BEND3: variants seen among roughly 807,000 people sequenced by gnomAD.
BEND3 encodes the protein BEN domain containing 3.
A neutral mutation model predicts 60.1 loss-of-function variants in BEND3; 13 were observed. The observed-to-expected ratio is 0.22, with a 90% confidence interval of 0.14 to 0.34. The LOEUF (loss-of-function observed/expected upper bound fraction) is 0.34. Among genes scored for constraint, BEND3 ranks in the 10% least tolerant of loss-of-function variants. BEND3 has a pLI of 1.00. For missense variants in BEND3, 896 were observed against 1,138.1 expected (o/e 0.79, Z 3.06); for synonymous variants, 497 against 491.5 (o/e 1.01, Z -0.15).
chr6:107,104,340 A>G (rs892126689), intron 1 of BEND3, among the ~76,000 whole-genome samples: 12 of 151,938 alleles, frequency 7.9e-5, no homozygotes, highest in Admixed American at 2.6e-4. Context: ...GATAGGCTGG[A>G]AAGAGTTACA....
intron 3 of BEND3, among the ~76,000 whole-genome samples, chr6:107,095,298 G>C (rs1324389513): frequency 1.3e-5 from 2 of 152,058 alleles, no homozygotes; most frequent in Non-Finnish European, 2.9e-5. Flanking sequence ...AATAGCCTGG[G>C]CAACATAGTG....
At chr6:107,080,848 C>T (rs955856555) in intron 3 of BEND3, among the ~76,000 whole-genome samples, 5 of 151,914 alleles carry the variant, frequency 3.3e-5, no homozygotes, top group Non-Finnish European at 1.5e-5. Context: ...CATGCCACTG[C>T]ACTCCAGCCT....
rs1353607834 is a variant in BEND3, at chr6:107,066,196, T to C, written c.*2508A>G. 6.6e-6 allele frequency: 1 copy of C among 152,098 alleles called. No individual in the cohort carries two copies. The highest frequency in any genetic ancestry group is 1.5e-5 in the Non-Finnish European group (1 of 68,026). 9.4% of individuals were successfully genotyped at this position (152,098 alleles called of 1,614,324 possible). On this transcript the variant is annotated 3_prime_UTR_variant, in exon 4 of 4. Transcript: ENST00000369042. ...TGCCAACAGGTTTCATGGAACACAT[T>C]AAATTTTGAAAAAATAAGTATTTTG...
At position 107,070,898 on chromosome 6, in the gene BEND3, T is replaced by C. The variant is rs1047201222; in HGVS notation, c.293A>G (p.Asn98Ser). 2 of 1,613,930 alleles carry C rather than the reference T, an allele frequency of 1.2e-6. No homozygotes were observed. Among genetic ancestry groups the C allele is most frequent in the South Asian group, 1.1e-5 (1 of 91,082 alleles). ...CCTGCCCCTGCCGGCCTGCTCACCA[T>C]TGCCTTGGCAGGGCGAGCTGTTCTC... is the stretch of plus-strand genomic sequence containing the variant. ...NRENSSPCQG[N>S]GEQAGRGRSL... is the part of the protein sequence containing the mutation. Residue 98 changes from asparagine to serine, a missense_variant, in exon 4 of 4, where the codon AAT becomes AGT. Around this residue, in one of 4 missense-constraint regions of BEND3, gnomAD observed 846 missense variants for 1,036.7 expected, o/e 0.82. Coordinates refer to ENST00000369042, the MANE Select transcript of BEND3 (RefSeq NM_001367314.1). The surrounding 1 kb of genome is among the most constrained non-coding windows in gnomAD (Gnocchi z 6.9).
rs1554231520 is a variant in BEND3, at chr6:107,069,593, G to C, written c.1598C>G (p.Pro533Arg). ...GATCTCTAACTTGTCGAAGTCGATG[G>C]GCACCAGCCAGATCTTCTTGGAGCG... ...GRRSKKIWLV[P>R]IDFDKLEIPQ... Residue 533 changes from proline (P) to arginine (R), a missense_variant, in exon 4 of 4, where the codon CCC becomes CGC. By Grantham distance (103) the Pro-to-Arg change is moderately radical. Around this residue, in one of 4 missense-constraint regions of BEND3, gnomAD observed 846 missense variants for 1,036.7 expected, o/e 0.82. Coordinates refer to ENST00000369042, the MANE Select transcript of BEND3 (RefSeq NM_001367314.1). 6.2e-7 allele frequency: 1 copy of C among 1,612,740 alleles called. No individual in the cohort carries two copies. The highest frequency in any genetic ancestry group is 1.1e-5 in the South Asian group (1 of 91,086).
intron 3 of BEND3, among the ~76,000 whole-genome samples, chr6:107,093,710 C>T (rs1554235572): frequency 6.6e-6 from 1 of 152,212 alleles, no homozygotes; most frequent in African/African-American, 2.4e-5. Context: ...TCAATCTAGA[C>T]ATAGTCCTTA....
chr6:107,073,226 T>TGTGAGCAA (rs1562300416), intron 3 of BEND3, among the ~76,000 whole-genome samples: 6 of 12,426 alleles, frequency 4.8e-4, no homozygotes, highest in South Asian at 1.9e-3. Flanking sequence ...TATATATATA[T>TGTGAGCAA]ATATATATAT....
rs782056779 is a variant in BEND3 at position 107,098,631 on chromosome 6, A to G, written c.160T>C (p.Ser54Pro). 3.1e-6 allele frequency: 5 copies of G among 1,613,978 alleles called. No homozygotes were observed. Among genetic ancestry groups the G allele is most frequent in the Admixed American group, 3.3e-5 (2 of 60,020 alleles). Residue 54 changes from serine (S) to proline (P), a missense_variant, in exon 3 of 4, where the codon TCC becomes CCC. This residue lies in a region of BEND3 where 846 missense variants were observed against 1,036.7 expected (regional missense o/e 0.82). Coordinates refer to ENST00000369042, the MANE Select transcript of BEND3 (RefSeq NM_001367314.1). ...VDSVLTALQD[S>P]SKRKQLVSDG... ...CTGACCAGCTGCTTTCGTTTGCTGG[A>G]GTCCTGCAGGGCAGTGAGGACGCTG...
intron 1 of BEND3, among the ~76,000 whole-genome samples, chr6:107,104,159 G>A (rs1207042549): frequency 3.3e-5 from 5 of 151,486 alleles, no homozygotes; most frequent in East Asian, 1.9e-4. Flanking sequence ...GCGTGGTGGC[G>A]GGCGCCCATA....
intron 3 of BEND3, among the ~76,000 whole-genome samples, chr6:107,076,880 T>G (rs1273260255): frequency 6.6e-6 from 1 of 152,124 alleles, no homozygotes; most frequent in Non-Finnish European, 1.5e-5. Context: ...TTGCCCAGGC[T>G]GGAGTGCAGT....
At chr6:107,097,396 A>G (rs2115025565) in intron 3 of BEND3, among the ~76,000 whole-genome samples, 1 of 152,122 alleles carries the variant, frequency 6.6e-6, no homozygotes, top group East Asian at 1.9e-4. Context: ...ATTAAAGCCC[A>G]AATAAATTAG....
intron 3 of BEND3, among the ~76,000 whole-genome samples, chr6:107,086,187 C>T (rs1582654275): frequency 1.3e-5 from 2 of 152,272 alleles, no homozygotes; most frequent in East Asian, 1.9e-4. Context: ...GGGAGATACC[C>T]AACTCCAGCT....
intron 3 of BEND3, among the ~76,000 whole-genome samples, chr6:107,072,575 A>C (rs1171167564): frequency 6.6e-6 from 1 of 152,242 alleles, no homozygotes; most frequent in African/African-American, 2.4e-5. Context: ...GGCTTCGTAC[A>C]GCAAGTGAGC....
At chr6:107,105,112 C>T (rs1255332591) in intron 1 of BEND3, among the ~76,000 whole-genome samples, 1 of 152,076 alleles carries the variant, frequency 6.6e-6, no homozygotes, top group African/African-American at 2.4e-5. Flanking sequence ...GTGGCTCACA[C>T]CCGTAATCCC....
chr6:107,092,148 T>G (rs1377982565), intron 3 of BEND3, among the ~76,000 whole-genome samples: 1 of 151,786 alleles, frequency 6.6e-6, no homozygotes, highest in Non-Finnish European at 1.5e-5. Context: ...TCTCAGCTAC[T>G]CGGGAGGCTG....
intron 3 of BEND3, among the ~76,000 whole-genome samples, chr6:107,072,734 C>A (rs1775009298): frequency 6.6e-6 from 1 of 152,160 alleles, no homozygotes; most frequent in Admixed American, 6.5e-5. Flanking sequence ...CCTGTAATCC[C>A]AGCACTTTGG....
chr6:107,072,698 T>C (rs782215211), intron 3 of BEND3, among the ~76,000 whole-genome samples: 4 of 152,176 alleles, frequency 2.6e-5, no homozygotes, highest in Non-Finnish European at 5.9e-5. Flanking sequence ...TTTAAATTAA[T>C]GAACGGCTGG....
intron 3 of BEND3, among the ~76,000 whole-genome samples, chr6:107,078,984 T>C (rs58351222): frequency 0.017 from 2,604 of 152,048 alleles, 76 homozygotes; most frequent in African/African-American, 0.06. Flanking sequence ...CACGCCCCCA[T>C]TTCTATCCTG....
At position 107,081,788 on chromosome 6, in the gene BEND3, A is replaced by G. The variant is rs1775239819; in HGVS notation, c.241-10838T>C. Among the ~76,000 whole-genome samples, 10 of 152,286 alleles carry G rather than the reference A, an allele frequency of 6.6e-5. No homozygotes were observed. In the South Asian group the frequency reaches 2.1e-3, roughly 32 times the overall value. ...AGTGAGACCCTGTCTCAAAAAAAAAAAAAATAAATAAAGGAGAATATACCC... is the reference window on the plus strand; with the variant it reads ...AGTGAGACCCTGTCTCAAAAAAAAAGAAAATAAATAAAGGAGAATATACCC... On this transcript the variant is annotated intron_variant, in intron 3 of 3. Transcript: ENST00000369042.
Sources: gnomAD v4.1 joint callset for allele counts (sites outside exome capture counted in the v4.1 genomes callset) on GRCh38, gnomAD v4.1.1 for gene constraint, gnomAD v4.1.1 regional missense constraint, Gnocchi (gnomAD v3.1) non-coding constraint, MANE v1.5 for transcripts, NCBI Gene and HGNC (gene_info 2026-07-23, HGNC 2026-07-21) for gene names.